Variants in GABRB3 observed in about 807,000 individuals in gnomAD.
GABRB3 encodes the protein gamma-aminobutyric acid receptor subunit beta-3.
GABRB3 carries 14 observed loss-of-function variants against 52.1 expected under a neutral mutation model. That is an observed-to-expected ratio of 0.27 (90% confidence interval 0.18 to 0.42). The LOEUF is 0.42. GABRB3 is among the 10% of genes least tolerant of loss of function. GABRB3 has a pLI of 1.00. For missense variants in GABRB3, 307 were observed against 609.1 expected, an observed-to-expected ratio of 0.50 and a Z score of 5.22; for synonymous variants, 260 against 232.3, an observed-to-expected ratio of 1.12 and a Z score of -1.08.
chr15:26,689,937 C>T (rs1566807020), intron 3 of GABRB3, among the ~76,000 whole-genome samples: 1 of 152,044 alleles, frequency 6.6e-6, no homozygotes. Flanking sequence ...CTCTAGGGTG[C>T]CCTCGGCCAA....
At chr15:26,689,973 G>A (rs891072538) in intron 3 of GABRB3, among the ~76,000 whole-genome samples, 2 of 152,084 alleles carry the variant, frequency 1.3e-5, no homozygotes, top group Non-Finnish European at 2.9e-5. Context: ...GTCAGCTGGA[G>A]GGCTTAGAAT....
intron 3 of GABRB3, among the ~76,000 whole-genome samples, chr15:26,641,714 T>G (rs928081056): frequency 2.2e-4 from 33 of 152,316 alleles, no homozygotes; most frequent in African/African-American, 7.2e-4. Flanking sequence ...CAGATGCCCC[T>G]TGGCTTCCCT....
chr15:26,581,076 G>C (rs1002121743), intron 5 of GABRB3: 3 of 186,790 alleles, frequency 1.6e-5, no homozygotes, highest in Admixed American at 1.1e-4. Context: ...AAAGAACAGT[G>C]GTCGTTAGCT....
intron 3 of GABRB3, among the ~76,000 whole-genome samples, chr15:26,722,669 C>G (rs543811692): frequency 6.6e-6 from 1 of 152,322 alleles, no homozygotes; most frequent in South Asian, 2.1e-4. Flanking sequence ...GATAGGGAAA[C>G]CAAGGCCCAA....
chr15:26,765,593 T>C (rs937112992), intron 3 of GABRB3, among the ~76,000 whole-genome samples: 1 of 152,228 alleles, frequency 6.6e-6, no homozygotes, highest in African/African-American at 2.4e-5. Context: ...TTATTCTTCA[T>C]TCATATATTC....
At chr15:26,599,298 C>T (rs189145315) in intron 4 of GABRB3, among the ~76,000 whole-genome samples, 1 of 152,306 alleles carries the variant, frequency 6.6e-6, no homozygotes, top group East Asian at 1.9e-4. Flanking sequence ...GCATCCAGCT[C>T]CTCCAGCTTG....
At chr15:26,746,575 GTTTTTTGT>G (rs1890346283) in intron 3 of GABRB3, among the ~76,000 whole-genome samples, 1 of 135,300 alleles carries the variant, frequency 7.4e-6, no homozygotes, top group African/African-American at 2.8e-5. Flanking sequence ...ATTTAAGTCC[GTTTTTTGT>G]TTTTTTTTTT....
chr15:26,689,456 T>G (rs191805243), intron 3 of GABRB3, among the ~76,000 whole-genome samples: 1 of 151,558 alleles, frequency 6.6e-6, no homozygotes, highest in Non-Finnish European at 1.5e-5. Flanking sequence ...TTATGCAGAG[T>G]GAGGTGGTCA....
chr15:26,773,592 G>T (rs533875207), upstream of GABRB3: 10 of 1,452,642 alleles, frequency 6.9e-6, no homozygotes, highest in Non-Finnish European at 9.4e-6. Flanking sequence ...GCCGGACTGC[G>T]GGCCGCCGCC....
intron 4 of GABRB3, among the ~76,000 whole-genome samples, chr15:26,606,267 T>C (rs908324252): frequency 7.9e-5 from 12 of 152,156 alleles, no homozygotes; most frequent in Non-Finnish European, 1.8e-4. Flanking sequence ...GATAATTGAA[T>C]TGTACATTTA....
At position 26,584,021 on chromosome 15, in the gene GABRB3, C is replaced by T. The variant is rs540445457; in HGVS notation, c.462-607G>A. ...TCGACCTCTTGACCTCGTGATCCGC[C>T]TGCCTCGGCCTCCCAAAGTGCTGAG... On this transcript the variant is annotated intron_variant, in intron 4 of 8. Coordinates refer to ENST00000311550, the MANE Select transcript of GABRB3 (RefSeq NM_000814.6). 9.2e-5 allele frequency among the ~76,000 whole-genome samples: 14 copies of T among 152,280 alleles called. No individual in the cohort carries two copies. The South Asian group carries it at 2.9e-3, about 32-fold the overall frequency.
At chr15:26,580,554 T>G in intron 5 of GABRB3, 98 bp from the exon 6 acceptor site, 5 of 1,487,648 alleles carry the variant, frequency 3.4e-6, no homozygotes, top group Non-Finnish European at 4.7e-6. Flanking sequence ...GGCTCTGCTA[T>G]GTTTTGAGTA....
chr15:26,566,636 G>A (rs1327578002), intron 7 of GABRB3, among the ~76,000 whole-genome samples: 1 of 152,038 alleles, frequency 6.6e-6, no homozygotes, highest in East Asian at 1.9e-4. Flanking sequence ...AGAGTTGAGA[G>A]GATCACTTGA....
intron 3 of GABRB3, among the ~76,000 whole-genome samples, chr15:26,679,785 C>A (rs912281718): frequency 2.0e-5 from 3 of 152,122 alleles, no homozygotes; most frequent in African/African-American, 7.2e-5. Context: ...AATGCTGCAT[C>A]CTGGGGCTGG....
At chr15:26,689,326 G>C (rs1034062024) in intron 3 of GABRB3, among the ~76,000 whole-genome samples, 4 of 152,126 alleles carry the variant, frequency 2.6e-5, no homozygotes, top group African/African-American at 9.7e-5. Flanking sequence ...CTGAAAAAGA[G>C]AACTTTATTT....
chr15:26,586,686 C>CA (rs1179931462), intron 4 of GABRB3, among the ~76,000 whole-genome samples: 2,534 of 98,640 alleles, frequency 0.026, 155 homozygotes, highest in African/African-American at 0.096. Context: ...GACTCCATCT[C>CA]AAAAAAAAAA....
At chr15:26,642,423 G>GTATACATATA in intron 3 of GABRB3, 1 of 1,201,584 alleles carries the variant, frequency 8.3e-7, no homozygotes, top group Non-Finnish European at 1.1e-6. Flanking sequence ...GTATATATAT[G>GTATACATATA]TATACATACA....
chr15:26,740,300 G>A (rs1200356135), intron 3 of GABRB3, among the ~76,000 whole-genome samples: 1 of 152,156 alleles, frequency 6.6e-6, no homozygotes, highest in African/African-American at 2.4e-5. Flanking sequence ...TGAAGTGAAT[G>A]CAGGGCTCAG....
In GABRB3 at chr15:26,621,300, A is replaced by G; in HGVS notation, c.461+14T>C. On this transcript the variant is annotated intron_variant, in intron 4 of 8. Transcript: ENST00000311550. This position sits in a 1 kb window ranked among gnomAD's most constrained non-coding sequence, Gnocchi z 4.1. Reference sequence around the variant, plus strand: ...CATGCAACAGCAAAATTGGTCCTGAAGAGGCACACAGACCTGAGCCCATAC... The same window carrying G: ...CATGCAACAGCAAAATTGGTCCTGAGGAGGCACACAGACCTGAGCCCATAC... 1 of 1,611,090 alleles carries G rather than the reference A, an allele frequency of 6.2e-7. No individual in the cohort carries two copies. The highest frequency in any genetic ancestry group is 8.5e-7 in the Non-Finnish European group (1 of 1,178,324).
Sources: allele counts gnomAD v4.1 joint callset (sites outside exome capture counted in the v4.1 genomes callset), GRCh38; gene constraint gnomAD v4.1.1; non-coding constraint Gnocchi (gnomAD v3.1); transcripts MANE v1.5; gene names NCBI Gene and HGNC (gene_info 2026-07-23, HGNC 2026-07-21).